CMC1: variants seen among roughly 807,000 people sequenced by gnomAD.
CMC1 encodes the protein COX assembly mitochondrial protein homolog.
A neutral mutation model predicts 14.1 loss-of-function variants in CMC1; 14 were observed. The observed-to-expected ratio is 0.99, with a 90% CI of 0.66 to 1.55. The LOEUF (loss-of-function observed/expected upper bound fraction) is 1.55, where lower values mean the gene tolerates loss of function less well. CMC1 is among the 40% of genes most tolerant of loss of function. The pLI is 0.00. For synonymous variants in CMC1, 50 were observed against 38.4 expected (o/e 1.30, Z -1.12); for missense variants, 127 against 123.8 (o/e 1.03, Z -0.12).
chr3:28,291,082 A>G (rs1473059162), intron 2 of CMC1, among the ~76,000 whole-genome samples: 1 of 152,152 alleles, frequency 6.6e-6, no homozygotes, highest in Non-Finnish European at 1.5e-5. Flanking sequence ...TCCACATGGC[A>G]GTTTACTTCA....
At chr3:28,298,259 A>G (rs891040634) in intron 2 of CMC1, 2 of 151,570 alleles carry the variant, frequency 1.3e-5, no homozygotes, top group African/African-American at 2.4e-5. Context: ...TTGGAAATCT[A>G]TGCTTCCAGA....
chr3:28,241,937 TCTC>T (rs1196615892), intron 1 of CMC1, 125 bp downstream of exon 1: 2 of 1,000,520 alleles, frequency 2.0e-6, no homozygotes, highest in Non-Finnish European at 2.6e-6. Flanking sequence ...TCCACCAGCG[TCTC>T]CTCATACCCG....
chr3:28,248,508 G>C lies in CMC1; in HGVS notation c.19+6696G>C, dbSNP rs867475924. Among the ~76,000 whole-genome samples the C allele has an allele frequency of 3.3e-5, 5 of 152,152 alleles. No homozygotes were observed. In the South Asian group the frequency reaches 1.0e-3, roughly 32 times the overall value. ...AATTGCTAAGGTTGCTTCAAGCCTT[G>C]AACTTTTATGATTCTAAATATTAAT... On this transcript the variant is annotated intron_variant, in intron 1 of 3. Coordinates refer to ENST00000466830, the MANE Select transcript of CMC1 (RefSeq NM_182523.2).
chr3:28,319,376 A>AC (rs1703104149), intron 3 of CMC1, 133 bp from the exon 4 acceptor site: 1 of 820,702 alleles, frequency 1.2e-6, no homozygotes, highest in African/African-American at 1.7e-5. Context: ...TGAATTTTTA[A>AC]CCATTACTAA....
chr3:28,250,882 A>T (rs1301892798), intron 1 of CMC1, among the ~76,000 whole-genome samples: 1 of 152,210 alleles, frequency 6.6e-6, no homozygotes, highest in Non-Finnish European at 1.5e-5. Context: ...ACCATTGTTC[A>T]GGATATTTTT....
chr3:28,270,136 C>A (rs1456637956), intron 2 of CMC1, among the ~76,000 whole-genome samples: 1 of 152,168 alleles, frequency 6.6e-6, no homozygotes, highest in Non-Finnish European at 1.5e-5. Flanking sequence ...ATATGTGCCA[C>A]ATTTTCTTTA....
chr3:28,301,866 T>C (rs1178741197), intron 2 of CMC1, among the ~76,000 whole-genome samples: 1 of 152,000 alleles, frequency 6.6e-6, no homozygotes, highest in Non-Finnish European at 1.5e-5. Flanking sequence ...ACTACCTTTT[T>C]TCAGCCTATA....
chr3:28,241,940 C>T (rs112053729), intron 1 of CMC1, 128 bp downstream of exon 1: 2 of 981,802 alleles, frequency 2.0e-6, no homozygotes, highest in East Asian at 6.6e-5. Flanking sequence ...ACCAGCGTCT[C>T]CTCATACCCG....
rs964431749 is a variant in CMC1, at chr3:28,300,965, G to A, written c.110-15368G>A. 7.3e-5 allele frequency among the ~76,000 whole-genome samples: 9 copies of A among 122,764 alleles called. No homozygotes were observed. In the South Asian group the frequency reaches 7.5e-4, roughly 10 times the overall value. 80.5% of individuals were successfully genotyped at this position (122,764 alleles called of 152,430 possible). A position where few individuals can be genotyped will look rare whatever the true frequency, so the allele number is the denominator to read the frequency against. On this transcript the variant is annotated intron_variant, in intron 2 of 3. Transcript: ENST00000466830. ...ACCCCCCAAACACAGAAATGATAAC[G>A]TTCTGTACCTTGCTGTTTTCACTTT...
intron 2 of CMC1, among the ~76,000 whole-genome samples, chr3:28,299,852 T>A (rs1330211682): frequency 6.6e-6 from 1 of 152,186 alleles, no homozygotes; most frequent in Non-Finnish European, 1.5e-5. Context: ...ATTATAGTGG[T>A]CTGAAATGTG....
intron 2 of CMC1, among the ~76,000 whole-genome samples, chr3:28,278,868 G>C (rs188618172): frequency 6.6e-6 from 1 of 152,164 alleles, no homozygotes; most frequent in African/African-American, 2.4e-5. Context: ...CAGTTCATCT[G>C]TGTCAACTTT....
intron 2 of CMC1, among the ~76,000 whole-genome samples, chr3:28,287,430 C>G (rs1701242732): frequency 1.3e-5 from 2 of 152,110 alleles, no homozygotes; most frequent in Non-Finnish European, 2.9e-5. Context: ...TTTGTAATTG[C>G]AGAGTTAGAC....
At chr3:28,291,237 A>G (rs7624111) in intron 2 of CMC1, among the ~76,000 whole-genome samples, 29,832 of 151,978 alleles carry the variant, frequency 0.2, 3,252 homozygotes, top group Admixed American at 0.27. Context: ...AGCCTGCTTA[A>G]TGGGAGGGGT....
At chr3:28,314,909 G>C (rs929118893) in intron 2 of CMC1, 1 of 152,110 alleles carries the variant, frequency 6.6e-6, no homozygotes, top group African/African-American at 2.4e-5. Flanking sequence ...ATAATCCCAA[G>C]TACCTGGAAG....
At chr3:28,286,329 AT>A (rs1701178239) in intron 2 of CMC1, among the ~76,000 whole-genome samples, 1 of 152,178 alleles carries the variant, frequency 6.6e-6, no homozygotes, top group Non-Finnish European at 1.5e-5. Flanking sequence ...TTGAAGAAGC[AT>A]TGTTTTTCCT....
intron 1 of CMC1, among the ~76,000 whole-genome samples, chr3:28,242,747 A>C (rs867559643): frequency 6.6e-6 from 1 of 152,188 alleles, no homozygotes; most frequent in African/African-American, 2.4e-5. Context: ...TCCAGCAGGT[A>C]GTGGTAGATC....
At position 28,316,422 on chromosome 3, in the gene CMC1, T is replaced by G; in HGVS notation, c.199T>G (p.Tyr67Asp). 6.4e-7 allele frequency: 1 copy of G among 1,568,198 alleles called. No individual in the cohort carries two copies. The highest frequency in any genetic ancestry group is 1.2e-5 in the South Asian group (1 of 86,404). The part of the protein sequence containing the change: ...NSALKECLTA[Y>D]YNDPAFYEEC... ...TGCATTGAAAGAATGTCTAACTGCT[T>G]AGTAAGTAGTTGTCTCAGCGTTTGT... Residue 67 changes from tyrosine (Y) to aspartate (D), a missense_variant and splice_region_variant, in exon 3 of 4, where the codon TAC becomes GAC. By Grantham distance (160) the Tyr-to-Asp change is radical. Transcript: ENST00000466830.
At chr3:28,307,249 C>G (rs1176039910) in intron 2 of CMC1, among the ~76,000 whole-genome samples, 1 of 152,120 alleles carries the variant, frequency 6.6e-6, no homozygotes, top group Admixed American at 6.5e-5. Context: ...GATGAGAATA[C>G]TATATTTCCT....
chr3:28,314,686 A>G (rs542618790), intron 2 of CMC1, among the ~76,000 whole-genome samples: 3 of 152,170 alleles, frequency 2.0e-5, no homozygotes, highest in East Asian at 1.9e-4. Flanking sequence ...TATTCCACCA[A>G]TTTTCTTGGA....
Sources: allele counts gnomAD v4.1 joint callset (sites outside exome capture counted in the v4.1 genomes callset), GRCh38; gene constraint gnomAD v4.1.1; transcripts MANE v1.5; gene names NCBI Gene and HGNC (gene_info 2026-07-23, HGNC 2026-07-21).